MCM10: variants seen among roughly 807,000 people sequenced by gnomAD.
MCM10 encodes minichromosome maintenance 10 replication initiation factor.
A neutral mutation model predicts 109.9 loss-of-function variants in MCM10; 91 were observed. The observed-to-expected ratio is 0.83, with a 90% CI of 0.70 to 0.99. The LOEUF is 0.99. Ranked by LOEUF, MCM10 falls within the 50% of genes least tolerant of loss-of-function variation. The pLI is 0.00. For synonymous variants in MCM10, 380 were observed against 387.2 expected (o/e 0.98, Z 0.22); for missense variants, 1,077 against 1,061.2 (o/e 1.01, Z -0.21).
chr10:13,170,565 A>G (rs180944330), intron 2 of MCM10, among the ~76,000 whole-genome samples: 81 of 152,358 alleles, frequency 5.3e-4, no homozygotes, highest in African/African-American at 1.8e-3. Context: ...CTCACTAAGC[A>G]GTATTGGCTC....
At chr10:13,167,140 A>C (rs1834012165) in intron 2 of MCM10, among the ~76,000 whole-genome samples, 1 of 152,142 alleles carries the variant, frequency 6.6e-6, no homozygotes, top group Admixed American at 6.5e-5. Flanking sequence ...AAAAATAAAT[A>C]AATAAATAAA....
chr10:13,186,749 C>T (rs533655418), intron 9 of MCM10, among the ~76,000 whole-genome samples: 7 of 152,162 alleles, frequency 4.6e-5, no homozygotes, highest in South Asian at 4.2e-4. Context: ...CTCAGCACTT[C>T]GGGAGGTCGA....
At chr10:13,201,013 C>T (rs1329170167) in intron 16 of MCM10, among the ~76,000 whole-genome samples, 7 of 152,056 alleles carry the variant, frequency 4.6e-5, no homozygotes, top group African/African-American at 1.4e-4. Flanking sequence ...GGGCATGTGG[C>T]GGGCACCTGT....
rs755499801 is a variant in MCM10, at chr10:13,192,530, G to A, written c.1707G>A (p.Leu569=). 52 of 1,614,046 alleles carry A rather than the reference G, an allele frequency of 3.2e-5. No individual in the cohort carries two copies. Among genetic ancestry groups the A allele is most frequent in the Non-Finnish European group, 4.2e-5 (50 of 1,180,046 alleles). The stretch of plus-strand genomic sequence containing the variant: ...TGAAGCAACAGAAGCAGCGGATGTT[G>A]GAGATGAGGAGAAGGAAATCAGAAG... ...ALLKQQKQRM[L]EMRRRKSEEI... is the part of the protein sequence containing the mutation. Residue 569 remains leucine (L), a synonymous_variant, in exon 13 of 20, where the codon TTG becomes TTA. Coordinates refer to ENST00000378714, the MANE Select transcript of MCM10 (RefSeq NM_018518.5).
At chr10:13,187,905 G>A (rs1340520341) in intron 9 of MCM10, among the ~76,000 whole-genome samples, 1 of 152,138 alleles carries the variant, frequency 6.6e-6, no homozygotes, top group East Asian at 1.9e-4. Flanking sequence ...TGCACTTTGG[G>A]TGGCCGAAGT....
intron 2 of MCM10, among the ~76,000 whole-genome samples, chr10:13,169,296 T>C (rs1834040076): frequency 6.6e-6 from 1 of 152,234 alleles, no homozygotes. Context: ...GGGACCTCTC[T>C]GCTGCCGAGA....
At position 13,183,079 on chromosome 10, in the gene MCM10, G is replaced by T; in HGVS notation, c.1077G>T (p.Lys359Asn). The T allele has an allele frequency of 6.2e-7, 1 of 1,613,990 alleles. No individual in the cohort carries two copies. ...GGATCCTCAATGCCAACCCCATGAA[G>T]CCCAAGGATGGTTCAGAGGAGGTAA... The part of the protein sequence containing the change: ...VVGILNANPM[K>N]PKDGSEEVCL... Residue 359 changes from lysine (K) to asparagine (N), a missense_variant, in exon 8 of 20, where the codon AAG (lysine) becomes AAT (asparagine). Lys to Asn is a moderately conservative substitution (Grantham distance 94). Coordinates refer to ENST00000378714, the MANE Select transcript of MCM10 (RefSeq NM_018518.5).
intron 17 of MCM10, among the ~76,000 whole-genome samples, chr10:13,203,649 CAT>C (rs952122250): frequency 5.9e-5 from 9 of 152,212 alleles, no homozygotes; most frequent in Admixed American, 4.6e-4. Context: ...CTCTACTGCA[CAT>C]GTTTTGCTAC....
intron 9 of MCM10, 54 bp downstream of exon 9, chr10:13,186,334 A>T: frequency 8.2e-7 from 1 of 1,221,590 alleles, no homozygotes; most frequent in Non-Finnish European, 1.2e-6. Context: ...ACAGTTAGGA[A>T]TAAACTGTTG....
At chr10:13,162,174 C>A (rs956322093) in intron 1 of MCM10, among the ~76,000 whole-genome samples, 1 of 152,060 alleles carries the variant, frequency 6.6e-6, no homozygotes, top group African/African-American at 2.4e-5. Flanking sequence ...TTAGTGTGTT[C>A]CAGAAGGTGG....
chr10:13,195,892 C>G (rs1001819641), intron 14 of MCM10, among the ~76,000 whole-genome samples: 3 of 151,854 alleles, frequency 2.0e-5, no homozygotes, highest in African/African-American at 7.3e-5. Flanking sequence ...TGTGAGCCAC[C>G]ATGCCTGGCG....
chr10:13,162,284 A>G (rs984630718), intron 1 of MCM10, among the ~76,000 whole-genome samples: 5 of 142,988 alleles, frequency 3.5e-5, no homozygotes, highest in African/African-American at 1.5e-4. Flanking sequence ...AAGCTTGGAA[A>G]GAGAGAGAGA....
intron 15 of MCM10, 148 bp from the exon 16 acceptor site, chr10:13,198,541 C>A: frequency 1.6e-6 from 1 of 621,790 alleles, no homozygotes; most frequent in East Asian, 2.6e-5. Flanking sequence ...CCTCTGAGAG[C>A]TTTTCCCTGC....
At chr10:13,163,813 T>G (rs953780763) in intron 1 of MCM10, among the ~76,000 whole-genome samples, 1 of 152,148 alleles carries the variant, frequency 6.6e-6, no homozygotes, top group African/African-American at 2.4e-5. Context: ...TTACAGGCGT[T>G]GAGCCACTGT....
At chr10:13,170,177 G>A (rs548826212) in intron 2 of MCM10, among the ~76,000 whole-genome samples, 3 of 152,280 alleles carry the variant, frequency 2.0e-5, no homozygotes, top group South Asian at 2.1e-4. Flanking sequence ...CTGGAATGAT[G>A]CCTCAAAATT....
intron 6 of MCM10, 75 bp downstream of exon 6, chr10:13,175,756 T>C (rs1257727715): frequency 1.9e-6 from 2 of 1,045,326 alleles, no homozygotes; most frequent in African/African-American, 3.2e-5. Context: ...TTAGAAGTAG[T>C]GTGTTTATAC....
chr10:13,204,996 ATGTATG>A (rs146311903), intron 18 of MCM10, among the ~76,000 whole-genome samples: 398 of 4,300 alleles, frequency 0.093, 4 homozygotes, highest in South Asian at 0.3. Flanking sequence ...GTATGTATGT[ATGTATG>A]TATATATATA....
intron 5 of MCM10, among the ~76,000 whole-genome samples, chr10:13,173,349 T>G (rs151232207): frequency 6.6e-6 from 1 of 152,252 alleles, no homozygotes; most frequent in East Asian, 1.9e-4. Flanking sequence ...ACTTGTGAGG[T>G]TATTCCCTTA....
At chr10:13,166,281 A>T (rs1437584271) in intron 2 of MCM10, among the ~76,000 whole-genome samples, 1 of 152,066 alleles carries the variant, frequency 6.6e-6, no homozygotes, top group Non-Finnish European at 1.5e-5. Context: ...AGCAGAGAAG[A>T]TACGTTCAGA....
Sources: allele counts gnomAD v4.1 joint callset (sites outside exome capture counted in the v4.1 genomes callset), GRCh38; gene constraint gnomAD v4.1.1; transcripts MANE v1.5; gene names NCBI Gene and HGNC (gene_info 2026-07-23, HGNC 2026-07-21).